The following FUT9 variants were observed in gnomAD, a reference collection of about 807,000 sequenced individuals.
The protein encoded by FUT9 is fucosyltransferase 9.
Under a neutral mutation model 29.7 loss-of-function variants are expected in FUT9, and 15 were observed. That is an observed-to-expected ratio of 0.51 (90% CI 0.34 to 0.78). The LOEUF is 0.78. Among genes scored for constraint, FUT9 ranks in the 30% least tolerant of loss-of-function variants. The pLI, the probability that FUT9 is intolerant of heterozygous loss-of-function variation, is 0.01. For missense variants in FUT9, 319 were observed against 425.4 expected, an observed-to-expected ratio of 0.75 and a Z score of 2.20; for synonymous variants, 169 against 153.7, an observed-to-expected ratio of 1.10 and a Z score of -0.74.
chr6:96,050,704 T>C (rs1006925010), intron 1 of FUT9, among the ~76,000 whole-genome samples: 26 of 152,230 alleles, frequency 1.7e-4, no homozygotes, highest in African/African-American at 5.1e-4. Context: ...ATTTTAATTA[T>C]ACAGATTATT....
intron 2 of FUT9, among the ~76,000 whole-genome samples, chr6:96,127,292 C>A (rs1272227723): frequency 6.6e-6 from 1 of 152,070 alleles, no homozygotes; most frequent in Non-Finnish European, 1.5e-5. Context: ...ATACATGATA[C>A]TTAGTTTCTT....
intron 1 of FUT9, among the ~76,000 whole-genome samples, chr6:96,036,198 G>A (rs555087404): frequency 8.0e-4 from 119 of 149,398 alleles, no homozygotes; most frequent in South Asian, 7.9e-3. Flanking sequence ...CTTCAGAATC[G>A]AGATTCTATA....
intron 2 of FUT9, among the ~76,000 whole-genome samples, chr6:96,177,753 C>G (rs1161199349): frequency 6.6e-6 from 1 of 152,092 alleles, no homozygotes; most frequent in African/African-American, 2.4e-5. Flanking sequence ...GATATATTAT[C>G]TCATTTAATT....
intron 1 of FUT9, among the ~76,000 whole-genome samples, chr6:96,050,612 C>G (rs1446358542): frequency 1.3e-5 from 2 of 152,192 alleles, no homozygotes. Context: ...TCTTTCTGAA[C>G]TAATCTCAAT....
At chr6:96,144,106 A>C (rs921690570) in intron 2 of FUT9, among the ~76,000 whole-genome samples, 2 of 152,172 alleles carry the variant, frequency 1.3e-5, no homozygotes, top group South Asian at 4.1e-4. Flanking sequence ...TTTTCTCGAC[A>C]TGGAGGCTTC....
chr6:96,211,944 T>C lies in FUT9; in HGVS notation c.*7709T>C. On this transcript the variant is annotated 3_prime_UTR_variant, in exon 3 of 3. Coordinates refer to ENST00000302103, the MANE Select transcript of FUT9 (RefSeq NM_006581.4). ...GTTGTGTAAGTAAAGTAAGTTAAGT[T>C]ATAGCTTGCTGGAATTTTATTGTGG... 2.4e-6 allele frequency: 1 copy of C among 408,718 alleles called. No individual in the cohort carries two copies. The highest frequency in any genetic ancestry group is 4.5e-6 in the Non-Finnish European group (1 of 223,400). 25.3% of individuals were successfully genotyped at this position (408,718 alleles called of 1,614,324 possible). A position where few individuals can be genotyped will look rare whatever the true frequency, so the allele number is the denominator to read the frequency against.
At chr6:96,172,617 CAA>C (rs975498554) in intron 2 of FUT9, among the ~76,000 whole-genome samples, 1 of 150,284 alleles carries the variant, frequency 6.7e-6, no homozygotes, top group Non-Finnish European at 1.5e-5. Flanking sequence ...AGATTGCTGC[CAA>C]AAGTCAAGAC....
chr6:96,125,614 G>A (rs767737998), intron 2 of FUT9, among the ~76,000 whole-genome samples: 10 of 152,122 alleles, frequency 6.6e-5, no homozygotes, highest in Non-Finnish European at 8.8e-5. Context: ...AGATGAAGTC[G>A]TTGGGTCAAG....
At chr6:96,126,407 A>G (rs1772134561) in intron 2 of FUT9, among the ~76,000 whole-genome samples, 1 of 152,180 alleles carries the variant, frequency 6.6e-6, no homozygotes, top group Non-Finnish European at 1.5e-5. Flanking sequence ...GGAAGGCACC[A>G]AACAGTTCAT....
intron 2 of FUT9, among the ~76,000 whole-genome samples, chr6:96,180,570 T>A (rs1773287155): frequency 6.6e-6 from 1 of 152,114 alleles, no homozygotes; most frequent in Non-Finnish European, 1.5e-5. Context: ...TGTGATATTT[T>A]AACACATGCA....
At chr6:96,062,674 T>C (rs2127944593) in intron 1 of FUT9, among the ~76,000 whole-genome samples, 1 of 152,286 alleles carries the variant, frequency 6.6e-6, no homozygotes, top group African/African-American at 2.4e-5. Flanking sequence ...TAACACTGCA[T>C]AGTGAAATTT....
intron 2 of FUT9, among the ~76,000 whole-genome samples, chr6:96,124,579 AT>A (rs1772097535): frequency 6.6e-6 from 1 of 151,684 alleles, no homozygotes; most frequent in Admixed American, 6.6e-5. Flanking sequence ...ACTTGCTTAT[AT>A]TCCATTCTAG....
intron 2 of FUT9, among the ~76,000 whole-genome samples, chr6:96,114,655 TTAAA>T: frequency 6.6e-6 from 1 of 151,486 alleles, no homozygotes; most frequent in Admixed American, 6.6e-5. Context: ...ATTTAATAAG[TTAAA>T]TAAAAAAAGA....
At chr6:96,087,230 A>G (rs1453160294) in intron 1 of FUT9, among the ~76,000 whole-genome samples, 1 of 152,122 alleles carries the variant, frequency 6.6e-6, no homozygotes, top group Admixed American at 6.5e-5. Flanking sequence ...TTATTACCTA[A>G]AGTTATTTGT....
At chr6:96,062,399 C>A (rs1393862565) in intron 1 of FUT9, among the ~76,000 whole-genome samples, 1 of 151,996 alleles carries the variant, frequency 6.6e-6, no homozygotes, top group Non-Finnish European at 1.5e-5. Flanking sequence ...TCAGTAAAAT[C>A]ATGTTATTTG....
intron 1 of FUT9, among the ~76,000 whole-genome samples, chr6:96,100,733 G>GT (rs1163525979): frequency 6.6e-6 from 1 of 152,190 alleles, no homozygotes; most frequent in Non-Finnish European, 1.5e-5. Flanking sequence ...TTGTCAGGTA[G>GT]TGAGGTACTA....
chr6:96,075,999 C>T (rs6919325), intron 1 of FUT9, among the ~76,000 whole-genome samples: 135,161 of 152,108 alleles, frequency 0.89, 61,887 homozygotes, highest in East Asian at 1. Context: ...GCTGCATTGT[C>T]CAGACTATGT....
chr6:96,105,768 A>G (rs1003172954), intron 1 of FUT9, among the ~76,000 whole-genome samples: 7 of 152,144 alleles, frequency 4.6e-5, no homozygotes, highest in Non-Finnish European at 5.9e-5. Context: ...GTTATTTTTC[A>G]CAGCATGATT....
At chr6:96,056,227 A>G (rs914873049) in intron 1 of FUT9, among the ~76,000 whole-genome samples, 10 of 152,202 alleles carry the variant, frequency 6.6e-5, no homozygotes, top group African/African-American at 2.4e-4. Context: ...AATAATGATC[A>G]ATATCTGCTT....
Sources: allele counts gnomAD v4.1 joint callset (sites outside exome capture counted in the v4.1 genomes callset), GRCh38; gene constraint gnomAD v4.1.1; transcripts MANE v1.5; gene names NCBI Gene and HGNC (gene_info 2026-07-23, HGNC 2026-07-21).